ENTREP2: variants seen among roughly 807,000 people sequenced by gnomAD.
ENTREP2 encodes protein ENTREP2.
the ENTREP2 span, among the ~76,000 whole-genome samples, chr15:29,650,280 G>C: frequency 8.5e-5 from 13 of 152,134 alleles, no homozygotes; most frequent in African/African-American, 3.1e-4. Context: ...AAAGGGACTT[G>C]GTGAGGTGTT....
the ENTREP2 span, among the ~76,000 whole-genome samples, chr15:29,297,833 G>A: frequency 6.6e-6 from 1 of 151,996 alleles, no homozygotes; most frequent in Non-Finnish European, 1.5e-5. Context: ...AGACTATAAG[G>A]AAAAATGACC....
the ENTREP2 span, among the ~76,000 whole-genome samples, chr15:29,568,365 G>C: frequency 6.6e-5 from 10 of 152,156 alleles, no homozygotes; most frequent in African/African-American, 1.9e-4. Flanking sequence ...GGAGAACTGT[G>C]TGGAATTGCT....
chr15:29,395,242 G>A, the ENTREP2 span, among the ~76,000 whole-genome samples: 1 of 151,624 alleles, frequency 6.6e-6, no homozygotes, highest in African/African-American at 2.4e-5. Flanking sequence ...TCATTCTGTT[G>A]AGCCACTCGT....
the ENTREP2 span, among the ~76,000 whole-genome samples, chr15:29,490,922 G>T: frequency 1.3e-5 from 2 of 152,234 alleles, no homozygotes; most frequent in Non-Finnish European, 2.9e-5. Flanking sequence ...TGGAGCAGGG[G>T]GTGATGCCCC....
the ENTREP2 span, among the ~76,000 whole-genome samples, chr15:29,672,572 G>T: frequency 6.6e-6 from 1 of 151,956 alleles, no homozygotes; most frequent in South Asian, 2.1e-4. Context: ...CACCACACAC[G>T]GTCCATGTGT....
At chr15:29,247,512 G>A in the ENTREP2 span, among the ~76,000 whole-genome samples, 374 of 152,246 alleles carry the variant, frequency 2.5e-3, no homozygotes, top group African/African-American at 8.6e-3. Context: ...AATTTAAGTG[G>A]TATTGCTCTG....
chr15:29,673,500 C>A, the ENTREP2 span, among the ~76,000 whole-genome samples: 2 of 152,126 alleles, frequency 1.3e-5, no homozygotes, highest in African/African-American at 4.8e-5. Context: ...CCATGTGGTG[C>A]CAGCTGATCA....
chr15:29,568,414 G>A, the ENTREP2 span, among the ~76,000 whole-genome samples: 2 of 152,130 alleles, frequency 1.3e-5, no homozygotes, highest in Middle Eastern at 3.2e-3. Context: ...GTTATAGGTC[G>A]GGCACAGTGG....
chr15:29,583,414 T>G, the ENTREP2 span, among the ~76,000 whole-genome samples: 1 of 152,164 alleles, frequency 6.6e-6, no homozygotes, highest in African/African-American at 2.4e-5. Flanking sequence ...TGCATGTTCT[T>G]ACTTACGAGT....
the ENTREP2 span, among the ~76,000 whole-genome samples, chr15:29,674,207 C>G: frequency 6.6e-6 from 1 of 151,316 alleles, no homozygotes; most frequent in South Asian, 2.1e-4. Flanking sequence ...TCCTCGCTAC[C>G]CCAGCCAGAA....
chr15:29,643,795 A>AGAAAG, the ENTREP2 span, among the ~76,000 whole-genome samples: 5,779 of 147,650 alleles, frequency 0.039, 138 homozygotes, highest in South Asian at 0.055. Flanking sequence ...AAAAAAAAAA[A>AGAAAG]AAAGAAAGAA....
chr15:29,335,009 CA>C, the ENTREP2 span, among the ~76,000 whole-genome samples: 1 of 152,138 alleles, frequency 6.6e-6, no homozygotes, highest in African/African-American at 2.4e-5. Context: ...CCAGGGAACC[CA>C]GCCAACAGTG....
the ENTREP2 span, among the ~76,000 whole-genome samples, chr15:29,188,532 A>G: frequency 6.6e-6 from 1 of 152,104 alleles, no homozygotes; most frequent in Non-Finnish European, 1.5e-5. Context: ...TTCCTGTGTT[A>G]GTTTTCTGAG....
the ENTREP2 span, among the ~76,000 whole-genome samples, chr15:29,348,170 A>G: frequency 6.6e-6 from 1 of 152,198 alleles, no homozygotes; most frequent in African/African-American, 2.4e-5. Flanking sequence ...GTCCAAAAAT[A>G]TCTGTGTATG....
the ENTREP2 span, among the ~76,000 whole-genome samples, chr15:29,558,010 T>C: frequency 6.6e-6 from 1 of 152,192 alleles, no homozygotes. Context: ...TCAATCCCCC[T>C]TTTCACAAAT....
At chr15:29,480,583 A>G in the ENTREP2 span, among the ~76,000 whole-genome samples, 49 of 152,060 alleles carry the variant, frequency 3.2e-4, no homozygotes, top group Non-Finnish European at 6.2e-4. Flanking sequence ...GAACATGCAG[A>G]GAGTTAGGCA....
At chr15:29,671,087 G>C in the ENTREP2 span, among the ~76,000 whole-genome samples, 1 of 152,138 alleles carries the variant, frequency 6.6e-6, no homozygotes, top group Non-Finnish European at 1.5e-5. Flanking sequence ...AATGATTAAT[G>C]AATCATACCC....
chr15:29,254,185 A>T, the ENTREP2 span, among the ~76,000 whole-genome samples: 1 of 150,670 alleles, frequency 6.6e-6, no homozygotes, highest in African/African-American at 2.4e-5. Context: ...AAAAAAAAAA[A>T]AAAAATTCAC....
the ENTREP2 span, among the ~76,000 whole-genome samples, chr15:29,523,975 G>A: frequency 6.6e-6 from 1 of 152,026 alleles, no homozygotes. Context: ...TGTTGGATTA[G>A]GCAATGTTTT....
Sources: allele counts gnomAD v4.1 joint callset (sites outside exome capture counted in the v4.1 genomes callset), GRCh38; gene constraint gnomAD v4.1.1; transcripts MANE v1.5; gene names NCBI Gene and HGNC (gene_info 2026-07-23, HGNC 2026-07-21).